The following PPP6C variants were observed in gnomAD, a reference collection of about 807,000 sequenced individuals.
The protein encoded by PPP6C is serine/threonine-protein phosphatase 6 catalytic subunit.
A neutral mutation model predicts 39.8 loss-of-function variants in PPP6C; 11 were observed. The observed-to-expected ratio is 0.28, with a 90% CI of 0.17 to 0.46. The LOEUF (loss-of-function observed/expected upper bound fraction) is 0.46. Among genes scored for constraint, PPP6C ranks in the 20% least tolerant of loss-of-function variants. The pLI, the probability that PPP6C is intolerant of heterozygous loss-of-function variation, is 1.00. For synonymous variants in PPP6C, 129 were observed against 130.3 expected, an observed-to-expected ratio of 0.99 and a Z score of 0.07; for missense variants, 211 against 373.9, an observed-to-expected ratio of 0.56 and a Z score of 3.59.
chr9:125,163,576 G>A (rs957562336), intron 2 of PPP6C, among the ~76,000 whole-genome samples: 4 of 150,252 alleles, frequency 2.7e-5, no homozygotes. Flanking sequence ...GATTACAGGC[G>A]CGTGCCAACA....
chr9:125,149,942 G>A (rs750290219), intron 6 of PPP6C, 21 bp from the exon 7 acceptor site: 8 of 1,609,330 alleles, frequency 5.0e-6, no homozygotes, highest in South Asian at 2.2e-5. Flanking sequence ...GAAAGGCACT[G>A]TAAGTACTTA....
At chr9:125,169,444 T>G (rs1172994914) in intron 2 of PPP6C, among the ~76,000 whole-genome samples, 2 of 152,266 alleles carry the variant, frequency 1.3e-5, no homozygotes, top group Non-Finnish European at 2.9e-5. Flanking sequence ...ATCATGGCTG[T>G]ACTTCACATC....
intron 1 of PPP6C, among the ~76,000 whole-genome samples, chr9:125,174,024 C>A (rs969672430): frequency 6.6e-6 from 1 of 152,184 alleles, no homozygotes; most frequent in Non-Finnish European, 1.5e-5. Flanking sequence ...GATTCTCACA[C>A]CAACGTTCTG....
At chr9:125,173,292 T>G (rs903920561) in intron 1 of PPP6C, among the ~76,000 whole-genome samples, 19 of 149,522 alleles carry the variant, frequency 1.3e-4, no homozygotes, top group African/African-American at 4.7e-4. Flanking sequence ...GTGCCTGTAA[T>G]CCTCAGCTGA....
chr9:125,189,030 A>T, intron 1 of PPP6C: 2 of 1,051,754 alleles, frequency 1.9e-6, no homozygotes, highest in Non-Finnish European at 2.8e-6. Context: ...GCTCAACAAC[A>T]TACTCAGAAA....
At chr9:125,154,604 C>T (rs186068394) in intron 4 of PPP6C, among the ~76,000 whole-genome samples, 91 of 152,310 alleles carry the variant, frequency 6.0e-4, no homozygotes, top group Middle Eastern at 3.4e-3. Context: ...TAATTTCACA[C>T]AACCTGAAGC....
At chr9:125,189,444 A>C in intron 1 of PPP6C, 200 bp downstream of exon 1, 1 of 1,394,750 alleles carries the variant, frequency 7.2e-7, no homozygotes, top group African/African-American at 1.5e-5. Flanking sequence ...CGGGATCCCC[A>C]CTGAGGCAAC....
At chr9:125,182,278 T>C (rs1313837688) in intron 1 of PPP6C, among the ~76,000 whole-genome samples, 3 of 152,182 alleles carry the variant, frequency 2.0e-5, no homozygotes, top group African/African-American at 7.2e-5. Context: ...GATCTTGTTA[T>C]CTAAAACATA....
At chr9:125,157,696 G>GT (rs11375288) in intron 4 of PPP6C, among the ~76,000 whole-genome samples, 134,503 of 140,070 alleles carry the variant, frequency 0.96, 64,621 homozygotes, top group Middle Eastern at 1. Flanking sequence ...TTTTTTTTTG[G>GT]TTTTTTTTTT....
chr9:125,165,652 C>A (rs573126224), intron 2 of PPP6C, among the ~76,000 whole-genome samples: 101 of 152,176 alleles, frequency 6.6e-4, no homozygotes, highest in African/African-American at 2.4e-3. Context: ...TATGCAGTTA[C>A]AAAAGGAAGG....
At position 125,171,508 on chromosome 9, in the gene PPP6C, T is replaced by TATATATATATATGA. The variant is rs1829163534; in HGVS notation, c.76-329_76-328insTCATATATATATAT. ...ATATATATATATATATATATATATA[T>TATATATATATATGA]ATATATATGAAGAAATAATTTTAAC... On this transcript the variant is annotated intron_variant, in intron 1 of 6. Transcript: ENST00000373547. 5.8e-5 allele frequency among the ~76,000 whole-genome samples: 6 copies of TATATATATATATGA among 103,578 alleles called. No homozygotes were observed. The South Asian group carries it at 1.9e-3, about 33-fold the overall frequency. The allele number at this position is 103,578 out of a possible 152,430, so 68.0% of individuals were successfully genotyped here. A position where few individuals can be genotyped will look rare whatever the true frequency, so the allele number is the denominator to read the frequency against.
At chr9:125,186,938 C>CTTTTTTTTTTTTT (rs1168730026) in intron 1 of PPP6C, among the ~76,000 whole-genome samples, 1 of 83,670 alleles carries the variant, frequency 1.2e-5, no homozygotes, top group African/African-American at 5.0e-5. Flanking sequence ...ATTTTTCTTT[C>CTTTTTTTTTTTTT]TTTTTTTTTT....
At chr9:125,185,742 T>C (rs961115795) in intron 1 of PPP6C, among the ~76,000 whole-genome samples, 2 of 151,720 alleles carry the variant, frequency 1.3e-5, no homozygotes, top group East Asian at 1.9e-4. Flanking sequence ...CCCAGCACTT[T>C]GGGAGGCCGA....
chr9:125,169,193 T>C (rs1451432905), intron 2 of PPP6C, among the ~76,000 whole-genome samples: 1 of 152,236 alleles, frequency 6.6e-6, no homozygotes, highest in Non-Finnish European at 1.5e-5. Flanking sequence ...TGTGTGAGTT[T>C]GGGCTATTTC....
At chr9:125,177,755 T>A (rs1004821006) in intron 1 of PPP6C, among the ~76,000 whole-genome samples, 1 of 152,186 alleles carries the variant, frequency 6.6e-6, no homozygotes, top group African/African-American at 2.4e-5. Context: ...GACAATTGTA[T>A]AATGACATGT....
At chr9:125,171,468 CACACACACACAT>C (rs1419107686) in intron 1 of PPP6C, among the ~76,000 whole-genome samples, 1 of 71,556 alleles carries the variant, frequency 1.4e-5, no homozygotes, top group African/African-American at 7.7e-5. Flanking sequence ...TATACACACA[CACACACACACAT>C]ATATATATAT....
intron 1 of PPP6C, among the ~76,000 whole-genome samples, chr9:125,183,182 A>T (rs942297903): frequency 1.3e-5 from 2 of 152,108 alleles, no homozygotes; most frequent in Non-Finnish European, 2.9e-5. Flanking sequence ...CCTTTCCAAC[A>T]CAACAATCAC....
chr9:125,186,103 A>C (rs1464029184), intron 1 of PPP6C, among the ~76,000 whole-genome samples: 1 of 152,086 alleles, frequency 6.6e-6, no homozygotes, highest in Non-Finnish European at 1.5e-5. Context: ...TCTTCTAATC[A>C]ATTTAAAACA....
chr9:125,172,752 AAC>A (rs368777039), intron 1 of PPP6C, among the ~76,000 whole-genome samples: 27 of 108,348 alleles, frequency 2.5e-4, no homozygotes, highest in African/African-American at 7.0e-4. Flanking sequence ...CACACACACA[AAC>A]ACACACACAC....
Sources: allele counts gnomAD v4.1 joint callset (sites outside exome capture counted in the v4.1 genomes callset), GRCh38; gene constraint gnomAD v4.1.1; transcripts MANE v1.5; gene names NCBI Gene and HGNC (gene_info 2026-07-23, HGNC 2026-07-21).